ARID5B: variants seen among roughly 807,000 people sequenced by gnomAD.
The protein encoded by ARID5B is AT-rich interactive domain-containing protein 5B.
Under a neutral mutation model 97.2 loss-of-function variants are expected in ARID5B, and 13 were observed. The ratio of observed to expected loss-of-function variants is 0.13; its 90% CI spans 0.09 to 0.21. ARID5B has a LOEUF of 0.21. ARID5B is among the 10% of genes least tolerant of loss of function. The pLI, the probability that ARID5B is intolerant of heterozygous loss-of-function variation, is 1.00. For missense variants in ARID5B, 1,210 were observed against 1,465.3 expected (o/e 0.83, Z 2.84); for synonymous variants, 556 against 570.3 (o/e 0.97, Z 0.36).
chr10:61,915,861 T>G (rs555917254), intron 2 of ARID5B, among the ~76,000 whole-genome samples: 9 of 152,286 alleles, frequency 5.9e-5, no homozygotes, highest in African/African-American at 1.9e-4. Context: ...ATTCAAGTGA[T>G]TCTCCTGCCT....
At chr10:62,053,062 C>A (rs1043680483) in intron 5 of ARID5B, among the ~76,000 whole-genome samples, 1 of 152,180 alleles carries the variant, frequency 6.6e-6, no homozygotes. Flanking sequence ...AATGAACAAG[C>A]CACATCTGGG....
intron 7 of ARID5B, among the ~76,000 whole-genome samples, chr10:62,063,800 A>C (rs1382986584): frequency 2.6e-5 from 4 of 152,232 alleles, no homozygotes; most frequent in Admixed American, 2.6e-4. Flanking sequence ...GAGCTGGATA[A>C]ATCTTTGCTG....
chr10:61,956,417 G>C (rs1299073818), intron 3 of ARID5B, among the ~76,000 whole-genome samples: 1 of 152,218 alleles, frequency 6.6e-6, no homozygotes, highest in African/African-American at 2.4e-5. Flanking sequence ...GTGCCAAAAA[G>C]TTTGGGGACC....
intron 9 of ARID5B, among the ~76,000 whole-genome samples, chr10:62,090,132 C>T (rs557947192): frequency 6.6e-5 from 10 of 152,286 alleles, no homozygotes; most frequent in African/African-American, 1.9e-4. Context: ...GCTATATTTG[C>T]GGTGGCACTG....
intron 4 of ARID5B, among the ~76,000 whole-genome samples, chr10:62,022,002 ACTT>A (rs1004842386): frequency 1.3e-5 from 2 of 152,186 alleles, no homozygotes; most frequent in Non-Finnish European, 2.9e-5. Flanking sequence ...AACTGTTTTT[ACTT>A]CTTCTAAATT....
intron 4 of ARID5B, among the ~76,000 whole-genome samples, chr10:62,021,584 C>A (rs1368065244): frequency 6.6e-6 from 1 of 152,182 alleles, no homozygotes; most frequent in Non-Finnish European, 1.5e-5. Context: ...GCGATATTTA[C>A]CAAGAAGTAT....
intron 4 of ARID5B, among the ~76,000 whole-genome samples, chr10:62,024,347 T>C (rs1029879619): frequency 6.6e-6 from 1 of 152,252 alleles, no homozygotes; most frequent in African/African-American, 2.4e-5. Context: ...ACACCTGTTG[T>C]CTTTGTAGCA....
At chr10:62,039,892 G>A (rs567487794) in intron 4 of ARID5B, among the ~76,000 whole-genome samples, 1 of 152,364 alleles carries the variant, frequency 6.6e-6, no homozygotes, top group Non-Finnish European at 1.5e-5. Context: ...AGGCCTGACT[G>A]TAACTGACCT....
At chr10:61,973,883 C>A (rs901038393) in intron 3 of ARID5B, among the ~76,000 whole-genome samples, 1 of 152,138 alleles carries the variant, frequency 6.6e-6, no homozygotes, top group Non-Finnish European at 1.5e-5. Flanking sequence ...CAGTGCAGTG[C>A]GGGTTTATTG....
rs779625701 is a variant in ARID5B at position 61,989,334 on chromosome 10, CA to C, written c.503-10755del. Among the ~76,000 whole-genome samples, 24 of 152,144 alleles carry C rather than the reference CA, an allele frequency of 1.6e-4. No homozygotes were observed. The East Asian group carries it at 1.7e-3, about 11-fold the overall frequency. On this transcript the variant is annotated intron_variant, in intron 3 of 9. Coordinates refer to ENST00000279873, the MANE Select transcript of ARID5B (RefSeq NM_032199.3). ...TTCACCTGTTTTCTGTTTACATTTTCAATGTGTTAATTACAAGTTGGCTCAC... is the reference window on the plus strand; with the variant it reads ...TTCACCTGTTTTCTGTTTACATTTTCATGTGTTAATTACAAGTTGGCTCAC...
At chr10:61,998,526 A>G (rs935701654) in intron 3 of ARID5B, among the ~76,000 whole-genome samples, 3 of 152,232 alleles carry the variant, frequency 2.0e-5, no homozygotes, top group African/African-American at 7.2e-5. Flanking sequence ...GCCATTTCTC[A>G]AGCTTAAGAT....
At chr10:62,084,877 G>A (rs72835125) in intron 8 of ARID5B, among the ~76,000 whole-genome samples, 5,301 of 152,048 alleles carry the variant, frequency 0.035, 104 homozygotes, top group African/African-American at 0.039. Context: ...CTTCCTTCTC[G>A]CTGGGGCGGT....
chr10:62,027,475 A>AT (rs1449554376), intron 4 of ARID5B, among the ~76,000 whole-genome samples: 1 of 148,610 alleles, frequency 6.7e-6, no homozygotes, highest in Non-Finnish European at 1.5e-5. Flanking sequence ...TGCCTGGCTA[A>AT]TTTTTTTGTA....
intron 7 of ARID5B, among the ~76,000 whole-genome samples, chr10:62,066,713 GTCTTT>G (rs1056210548): frequency 3.9e-5 from 6 of 152,110 alleles, no homozygotes; most frequent in Non-Finnish European, 8.8e-5. Context: ...TTCCTAAAGG[GTCTTT>G]TCTTTTCTCT....
intron 3 of ARID5B, among the ~76,000 whole-genome samples, chr10:61,981,149 G>C (rs1838771779): frequency 6.6e-6 from 1 of 152,142 alleles, no homozygotes; most frequent in African/African-American, 2.4e-5. Flanking sequence ...TCCCTCATAG[G>C]ATTGCTACAG....
rs1487871675 is a variant in ARID5B at position 62,092,356 on chromosome 10, C to G, written c.2893C>G (p.Pro965Ala). Residue 965 changes from proline (P) to alanine (A), a missense_variant, in exon 10 of 10, where the codon CCT (proline) becomes GCT (alanine). By Grantham distance (27) the Pro-to-Ala change is conservative (BLOSUM62 -1). This residue lies in a region of ARID5B where 800 missense variants were observed against 839.1 expected (regional missense o/e 0.95). Coordinates refer to ENST00000279873, the MANE Select transcript of ARID5B (RefSeq NM_032199.3). ...GGTATCACCCATGACCATGTCAGGCCCTAAAAAATACCCTGAATCGCTTTC... is the reference window on the plus strand; with the variant it reads ...GGTATCACCCATGACCATGTCAGGCGCTAAAAAATACCCTGAATCGCTTTC... ...CRVSPMTMSG[P>A]KKYPESLSRS... is the part of the protein sequence containing the mutation. 4 of 1,613,956 alleles carry G rather than the reference C, an allele frequency of 2.5e-6. No individual in the cohort carries two copies. The highest frequency in any genetic ancestry group is 8.5e-7 in the Non-Finnish European group (1 of 1,180,012).
chr10:62,001,564 A>G (rs1305373874), intron 4 of ARID5B, among the ~76,000 whole-genome samples: 1 of 152,182 alleles, frequency 6.6e-6, no homozygotes, highest in Non-Finnish European at 1.5e-5. Flanking sequence ...ATTCTTCATG[A>G]TTCCAACAGC....
chr10:61,953,208 G>T (rs1222534274), intron 3 of ARID5B, among the ~76,000 whole-genome samples: 1 of 152,100 alleles, frequency 6.6e-6, no homozygotes, highest in Non-Finnish European at 1.5e-5. Flanking sequence ...TGTTCACAAA[G>T]AAAGTATTCT....
Position 61,902,265 on chromosome 10 carries a change from T to A in ARID5B, c.128T>A (p.Phe43Tyr). The A allele has an allele frequency of 6.2e-7, 1 of 1,614,190 alleles. No individual in the cohort carries two copies. Among genetic ancestry groups the A allele is most frequent in the East Asian group, 2.2e-5 (1 of 44,892 alleles). ...PRILSLGDFF[F>Y]VRCTPKDPIC... ...ATTTTGTCCCTTGGCGACTTTTTCT[T>A]TGTAAGATGTACGCCAAAGGATCCG... Residue 43 changes from phenylalanine to tyrosine, a missense_variant, in exon 2 of 10, where the codon TTT becomes TAT. Phe to Tyr is a conservative substitution (Grantham distance 22, BLOSUM62 3). Coordinates refer to ENST00000279873, the MANE Select transcript of ARID5B (RefSeq NM_032199.3).
Sources: gnomAD v4.1 joint callset for allele counts (sites outside exome capture counted in the v4.1 genomes callset) on GRCh38, gnomAD v4.1.1 for gene constraint, gnomAD v4.1.1 regional missense constraint, MANE v1.5 for transcripts, NCBI Gene and HGNC (gene_info 2026-07-23, HGNC 2026-07-21) for gene names.